The following KIFC1 variants were observed in gnomAD, a reference collection of about 807,000 sequenced individuals.
The protein encoded by KIFC1 is kinesin family member C1, also known as kinesin-like protein KIFC1.
In KIFC1, 37 loss-of-function variants were observed where a neutral mutation model predicts 66.6. The ratio of observed to expected loss-of-function variants is 0.56; its 90% CI spans 0.43 to 0.73. KIFC1 has a LOEUF of 0.73. Ranked by LOEUF, KIFC1 falls within the 30% of genes least tolerant of loss-of-function variation. The pLI, the probability that KIFC1 is intolerant of heterozygous loss-of-function variation, is 0.00. For missense variants in KIFC1, 721 were observed against 859.8 expected (o/e 0.84, Z 2.02); for synonymous variants, 325 against 343.5 (o/e 0.95, Z 0.60).
At chr6:33,392,913 G>T (rs1345970928) in intron 1 of KIFC1, among the ~76,000 whole-genome samples, 2 of 152,146 alleles carry the variant, frequency 1.3e-5, no homozygotes, top group Admixed American at 1.3e-4. Context: ...GTGAACAAGG[G>T]ACAAATCGTT....
Position 33,405,149 on chromosome 6 carries a change from C to A in KIFC1, c.1054C>A (p.Arg352=), listed in dbSNP as rs777506158. The change falls in exon 7 of 11, where the codon CGG becomes AGG. Residue 352 remains arginine (R), a synonymous_variant. Transcript: ENST00000428849. This position sits in a 1 kb window ranked among gnomAD's most constrained non-coding sequence, Gnocchi z 5.4. The stretch of plus-strand genomic sequence containing the variant: ...TCCTCCAACCCGCCTTAGCCTCTCC[C>A]GGTCTGACGAGCGGCGTGGGACCCT... ...SDPPTRLSLS[R]SDERRGTLSG... is the part of the protein sequence containing the mutation. The A allele has an allele frequency of 1.9e-6, 3 of 1,614,036 alleles. No homozygotes were observed. The African/African-American group carries it at 4.0e-5, about 22-fold the overall frequency.
At chr6:33,407,102 A>G in intron 10 of KIFC1, 1 of 1,392,112 alleles carries the variant, frequency 7.2e-7, no homozygotes, top group South Asian at 1.6e-5. Flanking sequence ...AAAAAAAAAG[A>G]AAAGGTGACT....
At chr6:33,393,338 TTTACTC>T (rs967458722) in intron 1 of KIFC1, among the ~76,000 whole-genome samples, 6 of 152,106 alleles carry the variant, frequency 3.9e-5, no homozygotes, top group East Asian at 1.9e-4. Flanking sequence ...TGTGAGGACT[TTTACTC>T]TGAGTGAGAT....
chr6:33,399,985 T>G, intron 3 of KIFC1: 1 of 590,572 alleles, frequency 1.7e-6, no homozygotes, highest in Non-Finnish European at 3.0e-6. Context: ...TGATGTAACA[T>G]TTTAATCTTT....
At chr6:33,391,700 A>T (rs541830308), upstream of KIFC1, 20 of 589,278 alleles carry the variant, frequency 3.4e-5, no homozygotes, top group East Asian at 3.2e-4. Context: ...AGAAAAGACA[A>T]GGCGCCTGTC....
At position 33,400,590 on chromosome 6, in the gene KIFC1, T is replaced by G; in HGVS notation, c.250+2203T>G. On this transcript the variant is annotated intron_variant, in intron 3 of 10. Transcript: ENST00000428849. The surrounding 1 kb of genome is among the most constrained non-coding windows in gnomAD (Gnocchi z 4.3). ...CAGCTGGTGTCGGATGAACCCAGATTCAGGATGACCGAAGAAAGTTGCACC... is the reference window on the plus strand; with the variant it reads ...CAGCTGGTGTCGGATGAACCCAGATGCAGGATGACCGAAGAAAGTTGCACC... 8.9e-7 allele frequency: 1 copy of G among 1,124,960 alleles called. No homozygotes were observed. The highest frequency in any genetic ancestry group is 1.3e-6 in the Non-Finnish European group (1 of 759,074). The allele number at this position is 1,124,960 out of a possible 1,614,324, so 69.7% of individuals were successfully genotyped here.
intron 3 of KIFC1, 92 bp downstream of exon 3, chr6:33,398,479 T>A: frequency 1.9e-6 from 2 of 1,052,640 alleles, no homozygotes; most frequent in Non-Finnish European, 2.9e-6. Flanking sequence ...ATTTTATTTT[T>A]TTTGAGACAG....
chr6:33,399,658 A>G (rs1775278761), intron 3 of KIFC1, among the ~76,000 whole-genome samples: 1 of 152,256 alleles, frequency 6.6e-6, no homozygotes, highest in African/African-American at 2.4e-5. Context: ...CCATTTGTGT[A>G]TATAAACATA....
chr6:33,398,507 C>T, intron 3 of KIFC1, 120 bp downstream of exon 3: 1 of 798,014 alleles, frequency 1.3e-6, no homozygotes, highest in South Asian at 1.7e-5. Flanking sequence ...CTCTATCGCC[C>T]AGGCTGGAGT....
In KIFC1 at chr6:33,406,714, G is replaced by T. The variant is rs1457524590; in HGVS notation, c.1901+49G>T. ...GGGGTCAGGTAGGAACTGTGTTGGG[G>T]TGAGGGGTAGAAAGGGGAACAGTGG... On this transcript the variant is annotated intron_variant, in intron 9 of 10. Transcript: ENST00000428849. This position sits in a 1 kb window ranked among gnomAD's most constrained non-coding sequence, Gnocchi z 4.5. 1 of 1,611,824 alleles carries T rather than the reference G, an allele frequency of 6.2e-7. No homozygotes were observed.
At chr6:33,407,088 A>G in intron 10 of KIFC1, 1 of 1,385,786 alleles carries the variant, frequency 7.2e-7, no homozygotes, top group Non-Finnish European at 9.4e-7. Context: ...GAGAAAGCTG[A>G]TTAAAAAAAA....
intron 1 of KIFC1, among the ~76,000 whole-genome samples, chr6:33,393,318 T>G (rs1420065917): frequency 6.6e-6 from 1 of 151,938 alleles, no homozygotes; most frequent in South Asian, 2.1e-4. Flanking sequence ...TTTGTCCTTG[T>G]GGGGGTCGTT....
At chr6:33,399,433 A>G (rs1047759670) in intron 3 of KIFC1, among the ~76,000 whole-genome samples, 3 of 152,192 alleles carry the variant, frequency 2.0e-5, no homozygotes, top group African/African-American at 4.8e-5. Flanking sequence ...CAAAAAATAC[A>G]GTATAACAGT....
Position 33,398,341 on chromosome 6 carries a change from A to G in KIFC1, c.204A>G (p.Arg68=), listed in dbSNP as rs747261323. The G allele has an allele frequency of 3.7e-6, 6 of 1,614,002 alleles. No individual in the cohort carries two copies. The East Asian group carries it at 1.1e-4, about 30-fold the overall frequency. Reference sequence around the variant, plus strand: ...CCAAAATTACCACATCCCACCCAAGAGTTCCATCCCTCACTACAGTGCCAC... The same window carrying G: ...CCAAAATTACCACATCCCACCCAAGGGTTCCATCCCTCACTACAGTGCCAC... ...ATTKITTSHP[R]VPSLTTVPQT... is the part of the protein sequence containing the mutation. The change falls in exon 3 of 11, where the codon AGA becomes AGG. Residue 68 remains arginine, a synonymous_variant. Coordinates refer to ENST00000428849, the MANE Select transcript of KIFC1 (RefSeq NM_002263.4).
rs767294592 is a variant in KIFC1, at chr6:33,400,353, C to T, written c.250+1966C>T. ...CAGAAGGCACCACCTCAATCTGGGCCTGTCTGTTCTCAATGGTCAGTTTCA... is the reference window on the plus strand; with the variant it reads ...CAGAAGGCACCACCTCAATCTGGGCTTGTCTGTTCTCAATGGTCAGTTTCA... On this transcript the variant is annotated intron_variant, in intron 3 of 10. Coordinates refer to ENST00000428849, the MANE Select transcript of KIFC1 (RefSeq NM_002263.4). The surrounding 1 kb of genome is among the most constrained non-coding windows in gnomAD (Gnocchi z 4.3). 3 of 1,592,138 alleles carry T rather than the reference C, an allele frequency of 1.9e-6. No homozygotes were observed. The highest frequency in any genetic ancestry group is 1.7e-5 in the Admixed American group (1 of 59,870).
chr6:33,392,042 A>G (rs1422806530), intron 1 of KIFC1, 45 bp downstream of exon 1: 3 of 1,608,614 alleles, frequency 1.9e-6, no homozygotes, highest in Non-Finnish European at 2.6e-6. Flanking sequence ...GATGGGGACG[A>G]AGGCTGACCG....
chr6:33,398,906 A>T (rs1365837146), intron 3 of KIFC1, among the ~76,000 whole-genome samples: 1 of 152,158 alleles, frequency 6.6e-6, no homozygotes, highest in Non-Finnish European at 1.5e-5. Context: ...TCTTCCAGGG[A>T]AATTCTATTG....
chr6:33,396,984 GTTC>G (rs1215687316), intron 1 of KIFC1, among the ~76,000 whole-genome samples: 2 of 75,218 alleles, frequency 2.7e-5, no homozygotes, highest in Non-Finnish European at 5.4e-5. Context: ...GCCTGGCCAA[GTTC>G]TTTTTTTTTT....
At chr6:33,393,689 G>A (rs552937953) in intron 1 of KIFC1, among the ~76,000 whole-genome samples, 8 of 150,398 alleles carry the variant, frequency 5.3e-5, no homozygotes, top group South Asian at 2.1e-4. Context: ...CAAGCAATTC[G>A]CCTGCCTCGG....
Sources: allele counts gnomAD v4.1 joint callset (sites outside exome capture counted in the v4.1 genomes callset), GRCh38; gene constraint gnomAD v4.1.1; non-coding constraint Gnocchi (gnomAD v3.1); transcripts MANE v1.5; gene names NCBI Gene and HGNC (gene_info 2026-07-23, HGNC 2026-07-21).